NCBP3: variants seen among roughly 807,000 people sequenced by gnomAD.
The protein encoded by NCBP3 is nuclear cap binding subunit 3.
Under a neutral mutation model 75.7 loss-of-function variants are expected in NCBP3, and 20 were observed. The observed-to-expected ratio is 0.26, with a 90% CI of 0.19 to 0.38. The LOEUF (loss-of-function observed/expected upper bound fraction) is 0.38. Among genes scored for constraint, NCBP3 ranks in the 10% least tolerant of loss-of-function variants. The probability of loss-of-function intolerance (pLI) is 1.00; values close to 1 mark genes in which losing one functional copy is unlikely to be tolerated. For synonymous variants in NCBP3, 293 were observed against 290.5 expected, an observed-to-expected ratio of 1.01 and a Z score of -0.09; for missense variants, 678 against 796.9, an observed-to-expected ratio of 0.85 and a Z score of 1.80.
rs935189646 is a variant in NCBP3 at position 3,812,593 on chromosome 17, C to T, written c.*451G>A. ...TGGCCGCTTCCCTCCTCTTCCCCCT[C>T]GAAGGATGTCCAATAAGCACCTGGG... is the stretch of plus-strand genomic sequence containing the variant. On this transcript the variant is annotated 3_prime_UTR_variant, in exon 13 of 13. Coordinates refer to ENST00000389005, the MANE Select transcript of NCBP3 (RefSeq NM_001114118.3). The T allele has an allele frequency of 6.6e-5, 67 of 1,013,050 alleles. No individual in the cohort carries two copies. Among genetic ancestry groups the T allele is most frequent in the African/African-American group, 8.7e-5 (5 of 57,482 alleles). 62.8% of individuals were successfully genotyped at this position (1,013,050 alleles called of 1,614,324 possible). A position where few individuals can be genotyped will look rare whatever the true frequency, so the allele number is the denominator to read the frequency against.
rs1205716743 is a variant in NCBP3 at position 3,840,085 on chromosome 17, CA to C, written c.355+14del. The C allele has an allele frequency of 6.5e-7, 1 of 1,546,724 alleles. No individual in the cohort carries two copies. Among genetic ancestry groups the C allele is most frequent in the Non-Finnish European group, 8.7e-7 (1 of 1,142,888 alleles). On this transcript the variant is annotated intron_variant, in intron 3 of 12. Coordinates refer to ENST00000389005, the MANE Select transcript of NCBP3 (RefSeq NM_001114118.3). ...TGGGGAAATGTGGACAAATTTCCCA[CA>C]AAACACCCTGTACCTTTCTTCATCA...
intron 3 of NCBP3, among the ~76,000 whole-genome samples, chr17:3,830,946 T>C (rs2053867233): frequency 6.6e-6 from 1 of 151,112 alleles, no homozygotes; most frequent in Non-Finnish European, 1.5e-5. Context: ...AGTTTCACTC[T>C]TGTTGCCCAG....
In NCBP3 at chr17:3,816,110, C is replaced by G; in HGVS notation, c.1465+6G>C. 6.2e-7 allele frequency: 1 copy of G among 1,611,180 alleles called. No homozygotes were observed. The highest frequency in any genetic ancestry group is 1.7e-4 in the Middle Eastern group (1 of 5,950). On this transcript the variant is annotated splice_donor_region_variant and intron_variant, in intron 11 of 12. Coordinates refer to ENST00000389005, the MANE Select transcript of NCBP3 (RefSeq NM_001114118.3). ...TCCAGCCAGGAATCCAAGTGAGGAA[C>G]AGTACCTGATTTAGTACTGCTGACT...
In NCBP3 at chr17:3,805,960, C is replaced by G. The variant is rs569654316; in HGVS notation, c.*7084G>C. On this transcript the variant is annotated 3_prime_UTR_variant, in exon 13 of 13. Coordinates refer to ENST00000389005, the MANE Select transcript of NCBP3 (RefSeq NM_001114118.3). Reference sequence around the variant, plus strand: ...CACCATCCTATTTGACTTTCCCCAACAGGCATTCTACCTCAGCTAAAGATG... The same window carrying G: ...CACCATCCTATTTGACTTTCCCCAAGAGGCATTCTACCTCAGCTAAAGATG... The G allele has an allele frequency of 6.6e-6, 1 of 152,518 alleles. No individual in the cohort carries two copies. Among genetic ancestry groups the G allele is most frequent in the South Asian group, 2.1e-4 (1 of 4,836 alleles). 9.4% of individuals were successfully genotyped at this position (152,518 alleles called of 1,614,324 possible).
rs2053312889 is a variant in NCBP3, at chr17:3,804,205, T to C, written c.*8839A>G. ...ATGAACCTGTCTCTTTAAAAAAAAG[T>C]TGCAAAATGTTCATGGATGGAGGAG... On this transcript the variant is annotated 3_prime_UTR_variant, in exon 13 of 13. Coordinates refer to ENST00000389005, the MANE Select transcript of NCBP3 (RefSeq NM_001114118.3). The C allele has an allele frequency of 6.6e-6, 1 of 151,858 alleles. No homozygotes were observed. The highest frequency in any genetic ancestry group is 1.5e-5 in the Non-Finnish European group (1 of 67,972). The allele number at this position is 151,858 out of a possible 1,614,324, so 9.4% of individuals were successfully genotyped here. A position where few individuals can be genotyped will look rare whatever the true frequency, so the allele number is the denominator to read the frequency against.
In NCBP3 at chr17:3,811,442, T is replaced by C. The variant is rs1202668866; in HGVS notation, c.*1602A>G. 6.6e-6 allele frequency: 1 copy of C among 152,166 alleles called. No homozygotes were observed. The highest frequency in any genetic ancestry group is 1.5e-5 in the Non-Finnish European group (1 of 68,040). The allele number at this position is 152,166 out of a possible 1,614,324, so 9.4% of individuals were successfully genotyped here. A position where few individuals can be genotyped will look rare whatever the true frequency, so the allele number is the denominator to read the frequency against. On this transcript the variant is annotated 3_prime_UTR_variant, in exon 13 of 13. Transcript: ENST00000389005. ...CTAGAATCCTAATAAGAAGCTGAAATATATCATGGTTATATCCTCTAATCT... is the reference window on the plus strand; with the variant it reads ...CTAGAATCCTAATAAGAAGCTGAAACATATCATGGTTATATCCTCTAATCT...
intron 3 of NCBP3, among the ~76,000 whole-genome samples, chr17:3,837,426 G>A (rs1476223706): frequency 3.3e-5 from 5 of 150,582 alleles, no homozygotes; most frequent in African/African-American, 1.2e-4. Context: ...GAACCCGGGC[G>A]GCAGAGGTTG....
intron 9 of NCBP3, among the ~76,000 whole-genome samples, chr17:3,820,405 T>C (rs1177792736): frequency 6.6e-6 from 1 of 152,214 alleles, no homozygotes; most frequent in Non-Finnish European, 1.5e-5. Flanking sequence ...ATTAGGCATG[T>C]AGAAGATTCC....
At chr17:3,837,489 G>GAA (rs113732977) in intron 3 of NCBP3, among the ~76,000 whole-genome samples, 7 of 143,432 alleles carry the variant, frequency 4.9e-5, no homozygotes, top group African/African-American at 1.3e-4. Flanking sequence ...AGAAAGAGAG[G>GAA]AAAAAAAAAA....
At chr17:3,835,300 C>T (rs2053954533) in intron 3 of NCBP3, among the ~76,000 whole-genome samples, 1 of 152,210 alleles carries the variant, frequency 6.6e-6, no homozygotes, top group African/African-American at 2.4e-5. Context: ...GCTTTGGCTG[C>T]ATATAGGATG....
chr17:3,845,954 G>C, intron 1 of NCBP3, 87 bp downstream of exon 1: 2 of 1,418,754 alleles, frequency 1.4e-6, no homozygotes, highest in Non-Finnish European at 1.9e-6. Context: ...CCCCGGCTGG[G>C]GCTCCGGCCA....
chr17:3,811,618 T>C lies in NCBP3; in HGVS notation c.*1426A>G, dbSNP rs996669828. On this transcript the variant is annotated 3_prime_UTR_variant, in exon 13 of 13. Coordinates refer to ENST00000389005, the MANE Select transcript of NCBP3 (RefSeq NM_001114118.3). ...GTGCCACAGTGTAATCAACTATCAA[T>C]GTGACCATTAGCTCCGCCACAAGTA... The C allele has an allele frequency of 3.9e-5, 6 of 152,248 alleles. No individual in the cohort carries two copies. Among genetic ancestry groups the C allele is most frequent in the Non-Finnish European group, 1.5e-5 (1 of 68,048 alleles). The allele number at this position is 152,248 out of a possible 1,614,324, so 9.4% of individuals were successfully genotyped here.
chr17:3,805,246 T>C lies in NCBP3; in HGVS notation c.*7798A>G, dbSNP rs1455368388. 6.6e-6 allele frequency: 1 copy of C among 152,210 alleles called. No individual in the cohort carries two copies. Among genetic ancestry groups the C allele is most frequent in the African/African-American group, 2.4e-5 (1 of 41,440 alleles). 9.4% of individuals were successfully genotyped at this position (152,210 alleles called of 1,614,324 possible). On this transcript the variant is annotated 3_prime_UTR_variant, in exon 13 of 13. Coordinates refer to ENST00000389005, the MANE Select transcript of NCBP3 (RefSeq NM_001114118.3). ...TCCCAAAGTGCTGAGACTACAGGTG[T>C]GAGCCACGTGCCCAGCTAGGTGGTG...
chr17:3,826,450 C>A, intron 4 of NCBP3, among the ~76,000 whole-genome samples: 1 of 151,860 alleles, frequency 6.6e-6, no homozygotes, highest in Admixed American at 6.6e-5. Flanking sequence ...TCATCCTGGG[C>A]AACATAGTGA....
chr17:3,830,611 T>C (rs1258524493), intron 3 of NCBP3, among the ~76,000 whole-genome samples: 1 of 152,224 alleles, frequency 6.6e-6, no homozygotes, highest in African/African-American at 2.4e-5. Context: ...TTTTTTGAGA[T>C]GGAGTCTCGC....
At chr17:3,837,360 G>A (rs2053991369) in intron 3 of NCBP3, among the ~76,000 whole-genome samples, 2 of 151,654 alleles carry the variant, frequency 1.3e-5, no homozygotes, top group Admixed American at 6.6e-5. Context: ...AGCTGGGCAC[G>A]GTGGCAGGTG....
chr17:3,817,877 T>C (rs2053573625), intron 10 of NCBP3, among the ~76,000 whole-genome samples: 1 of 152,004 alleles, frequency 6.6e-6, no homozygotes, highest in Non-Finnish European at 1.5e-5. Flanking sequence ...AAGTGAAAAA[T>C]GCACAATGCA....
At position 3,816,142 on chromosome 17, in the gene NCBP3, C is replaced by T. The variant is rs747685814; in HGVS notation, c.1439G>A (p.Arg480Gln). ...TGATTTAGTACTGCTGACTGGTGGC[C>T]GTGGACGGGAGTGCTGACGTTTCTC... Reference protein sequence around the residue: ...LDEKRQHSRPRPPVSSTKSDI... With the variant: ...LDEKRQHSRPQPPVSSTKSDI... Residue 480 changes from arginine to glutamine, a missense_variant, in exon 11 of 13, where the codon CGG becomes CAG. By Grantham distance (43) the Arg-to-Gln change is conservative (BLOSUM62 1). Coordinates refer to ENST00000389005, the MANE Select transcript of NCBP3 (RefSeq NM_001114118.3). 7 of 1,613,966 alleles carry T rather than the reference C, an allele frequency of 4.3e-6. No homozygotes were observed. Among genetic ancestry groups the T allele is most frequent in the Admixed American group, 3.3e-5 (2 of 59,992 alleles).
chr17:3,812,828 C>T lies in NCBP3; in HGVS notation c.*216G>A, dbSNP rs537296291. On this transcript the variant is annotated 3_prime_UTR_variant, in exon 13 of 13. Coordinates refer to ENST00000389005, the MANE Select transcript of NCBP3 (RefSeq NM_001114118.3). ...GCCTGTGGGGTGGTGGGAAAGGAAT[C>T]GAGGGCCCAGAACTACAACTCTGCA... 2.9e-5 allele frequency: 40 copies of T among 1,387,744 alleles called. No individual in the cohort carries two copies. The Admixed American group carries it at 1.1e-3, about 37-fold the overall frequency. 86.0% of individuals were successfully genotyped at this position (1,387,744 alleles called of 1,614,324 possible).
Sources: allele counts gnomAD v4.1 joint callset (sites outside exome capture counted in the v4.1 genomes callset), GRCh38; gene constraint gnomAD v4.1.1; transcripts MANE v1.5; gene names NCBI Gene and HGNC (gene_info 2026-07-23, HGNC 2026-07-21).